Variants in FAM220A observed in about 807,000 individuals in gnomAD.
The protein encoded by FAM220A is family with sequence similarity 220 member A, also known as protein FAM220A.
For missense variants in FAM220A, 392 were observed against 321.6 expected, an observed-to-expected ratio of 1.22 and a Z score of -1.68; for synonymous variants, 141 against 130.7, an observed-to-expected ratio of 1.08 and a Z score of -0.54.
At chr7:6,347,973 C>CGA (rs1781988061) in intron 1 of FAM220A, among the ~76,000 whole-genome samples, 1 of 150,564 alleles carries the variant, frequency 6.6e-6, no homozygotes, top group Non-Finnish European at 1.5e-5. Context: ...CGCAATGGAG[C>CGA]GATCTCGGCT....
intron 1 of FAM220A, among the ~76,000 whole-genome samples, chr7:6,339,095 C>G (rs770723693): frequency 6.6e-6 from 1 of 152,210 alleles, no homozygotes; most frequent in Non-Finnish European, 1.5e-5. Context: ...CACAGCACTT[C>G]TAAATTAGGC....
chr7:6,331,249 T>C lies in FAM220A; in HGVS notation c.-81-14A>G. 2.3e-6 allele frequency: 3 copies of C among 1,296,134 alleles called. No homozygotes were observed. The allele number at this position is 1,296,134 out of a possible 1,614,324, so 80.3% of individuals were successfully genotyped here. On this transcript the variant is annotated splice_polypyrimidine_tract_variant and intron_variant, in intron 1 of 1. Coordinates refer to ENST00000313324, the MANE Select transcript of FAM220A (RefSeq NM_001037163.2). ...CTCAATATGAACCTAGGAAAGGGAATCAAATTAAAGTTCTAAAATGAAGAC... is the reference window on the plus strand; with the variant it reads ...CTCAATATGAACCTAGGAAAGGGAACCAAATTAAAGTTCTAAAATGAAGAC...
Position 6,330,793 on chromosome 7 carries a change from C to G in FAM220A, c.362G>C (p.Gly121Ala). 6.2e-7 allele frequency: 1 copy of G among 1,614,176 alleles called. No individual in the cohort carries two copies. Among genetic ancestry groups the G allele is most frequent in the Non-Finnish European group, 8.5e-7 (1 of 1,180,026 alleles). Residue 121 changes from glycine (G) to alanine (A), a missense_variant, in exon 2 of 2, where the codon GGT becomes GCT. Physicochemically the swap from Gly to Ala is moderately conservative, Grantham distance 60. Transcript: ENST00000313324. Reference sequence around the variant, plus strand: ...GTCTCGCCGCCCCAGAGCTTCAACACCACTGCAGGACACCCGAGCAAAACA... The same window carrying G: ...GTCTCGCCGCCCCAGAGCTTCAACAGCACTGCAGGACACCCGAGCAAAACA... ...TECFARVSCSGVEALGRRDWL... is the reference protein window; with the variant it reads ...TECFARVSCSAVEALGRRDWL...
chr7:6,348,950 A>C lies in FAM220A; in HGVS notation c.-459T>G, dbSNP rs538594340. 5.3e-6 allele frequency: 2 copies of C among 379,442 alleles called. No homozygotes were observed. The highest frequency in any genetic ancestry group is 9.3e-6 in the Non-Finnish European group (2 of 214,450). The allele number at this position is 379,442 out of a possible 1,614,324, so 23.5% of individuals were successfully genotyped here. On this transcript the variant is annotated 5_prime_UTR_variant, in exon 1 of 2. Coordinates refer to ENST00000313324, the MANE Select transcript of FAM220A (RefSeq NM_001037163.2). ...GCCTCCGCGAGCAGCCGCCTGTACC[A>C]GCCTGGCCGCGCAGCCTGACGTCAC...
intron 1 of FAM220A, among the ~76,000 whole-genome samples, chr7:6,341,644 C>T (rs574981677): frequency 4.0e-5 from 6 of 148,828 alleles, no homozygotes; most frequent in African/African-American, 1.0e-4. Context: ...GAGCTGAGAT[C>T]GCGCCACCGC....
intron 1 of FAM220A, among the ~76,000 whole-genome samples, chr7:6,335,329 T>C (rs1781723525): frequency 6.6e-6 from 1 of 151,770 alleles, no homozygotes; most frequent in Non-Finnish European, 1.5e-5. Flanking sequence ...TTCAAGTGAT[T>C]CTCCTGCCTC....
In FAM220A at chr7:6,330,626, TG is replaced by T; in HGVS notation, c.528del (p.Lys177ArgfsTer28). 1 of 1,614,092 alleles carries T rather than the reference TG, an allele frequency of 6.2e-7. No individual in the cohort carries two copies. The highest frequency in any genetic ancestry group is 8.5e-7 in the Non-Finnish European group (1 of 1,180,030). On this transcript the variant is annotated frameshift_variant, in exon 2 of 2. Coordinates refer to ENST00000313324, the MANE Select transcript of FAM220A (RefSeq NM_001037163.2). LOFTEE classifies it low-confidence loss of function (END_TRUNC). Reference sequence around the variant, plus strand: ...GGTTCCAACTCAGAGCCCAGACCCTTGGGAAAAGCACTTGGTGGGTCATCCT... The same window carrying T: ...GGTTCCAACTCAGAGCCCAGACCCTTGGAAAAGCACTTGGTGGGTCATCCT... ...SFQDDPPSAF[P>X]KGLGSELEPA...
intron 1 of FAM220A, among the ~76,000 whole-genome samples, chr7:6,344,902 C>T (rs1267316057): frequency 2.0e-5 from 3 of 151,716 alleles, no homozygotes; most frequent in South Asian, 2.1e-4. Context: ...CCGCCATGCC[C>T]GGCTAATTTT....
At chr7:6,334,992 C>T (rs1480530699) in intron 1 of FAM220A, among the ~76,000 whole-genome samples, 1 of 151,672 alleles carries the variant, frequency 6.6e-6, no homozygotes, top group East Asian at 2.0e-4. Context: ...GTCTCAAACT[C>T]CCGACCTCAG....
chr7:6,330,487 T>C lies in FAM220A; in HGVS notation c.668A>G (p.Gln223Arg). The C allele has an allele frequency of 6.2e-7, 1 of 1,614,214 alleles. No homozygotes were observed. Among genetic ancestry groups the C allele is most frequent in the Non-Finnish European group, 8.5e-7 (1 of 1,180,042 alleles). ...AAGCATTTTCTTGAATTCTATTGTT[T>C]GCTTTGAAAACATGGGCTTTAAACG... ...LDRLKPMFSK[Q>R]TIEFKKMLKS... The change falls in exon 2 of 2, where the codon CAA becomes CGA. Residue 223 changes from glutamine (Q) to arginine (R), a missense_variant. Transcript: ENST00000313324.
intron 1 of FAM220A, among the ~76,000 whole-genome samples, chr7:6,343,142 C>T (rs753024383): frequency 4.6e-5 from 7 of 151,332 alleles, no homozygotes; most frequent in Admixed American, 6.6e-5. Context: ...CTTGGGAGGC[C>T]GAGGAGGGTG....
intron 1 of FAM220A, among the ~76,000 whole-genome samples, chr7:6,336,667 G>C (rs149148261): frequency 2.0e-5 from 3 of 148,030 alleles, no homozygotes; most frequent in African/African-American, 7.5e-5. Context: ...CTGAGAGAGC[G>C]AGCAAGACTT....
rs553596313 is a variant in FAM220A, at chr7:6,337,386, T to C, written c.-81-6151A>G. Among the ~76,000 whole-genome samples the C allele has an allele frequency of 6.8e-3, 1,031 of 150,918 alleles. 24 individuals carry two copies. Among genetic ancestry groups the C allele is most frequent in the African/African-American group, 0.023 (937 of 40,352 alleles). The stretch of plus-strand genomic sequence containing the variant: ...ATCTACCCGCCTCAGCCTCCCAAAG[T>C]GTTGGGATTACAGGCGTGAGCCACT... On this transcript the variant is annotated intron_variant, in intron 1 of 1. Coordinates refer to ENST00000313324, the MANE Select transcript of FAM220A (RefSeq NM_001037163.2).
At position 6,348,757 on chromosome 7, in the gene FAM220A, A is replaced by G. The variant is rs1161084614; in HGVS notation, c.-266T>C. The G allele has an allele frequency of 4.0e-5, 16 of 400,396 alleles. No individual in the cohort carries two copies. Among genetic ancestry groups the G allele is most frequent in the Non-Finnish European group, 6.6e-5 (15 of 226,874 alleles). 24.8% of individuals were successfully genotyped at this position (400,396 alleles called of 1,614,324 possible). On this transcript the variant is annotated 5_prime_UTR_variant, in exon 1 of 2. An upstream start codon of the reference 5' UTR is lost. Transcript: ENST00000313324. ...AGCCAGGCCCGACAGAGCCGCCGCC[A>G]TATAGAGACCGGCGCTCCCACAGCC... is the stretch of plus-strand genomic sequence containing the variant.
At chr7:6,337,328 G>A (rs1781766914) in intron 1 of FAM220A, among the ~76,000 whole-genome samples, 1 of 151,608 alleles carries the variant, frequency 6.6e-6, no homozygotes, top group Non-Finnish European at 1.5e-5. Flanking sequence ...TACCATGATG[G>A]CCAGGCTGGT....
rs2115122612 is a variant in FAM220A at position 6,329,863 on chromosome 7, A to T, written c.*512T>A. On this transcript the variant is annotated 3_prime_UTR_variant, in exon 2 of 2. Coordinates refer to ENST00000313324, the MANE Select transcript of FAM220A (RefSeq NM_001037163.2). ...TCTAAATTGCATTTCAAGTGGAAGG[A>T]AAGGGGTATGAGAAGTGAAATCGAA... 5.9e-6 allele frequency: 1 copy of T among 168,228 alleles called. No homozygotes were observed. Among genetic ancestry groups the T allele is most frequent in the East Asian group, 1.9e-4 (1 of 5,204 alleles). The allele number at this position is 168,228 out of a possible 1,614,324, so 10.4% of individuals were successfully genotyped here.
chr7:6,348,399 C>A (rs551933987), intron 1 of FAM220A, among the ~76,000 whole-genome samples, 174 bp downstream of exon 1: 13 of 152,172 alleles, frequency 8.5e-5, no homozygotes, highest in African/African-American at 3.1e-4. Flanking sequence ...GTTTGCAGAA[C>A]GGGGATAAGG....
intron 1 of FAM220A, among the ~76,000 whole-genome samples, chr7:6,341,640 A>C (rs2115144461): frequency 6.7e-6 from 1 of 150,108 alleles, no homozygotes; most frequent in South Asian, 2.1e-4. Flanking sequence ...CAGTGAGCTG[A>C]GATCGCGCCA....
chr7:6,342,662 C>T (rs1351150754), intron 1 of FAM220A, among the ~76,000 whole-genome samples: 3 of 152,100 alleles, frequency 2.0e-5, no homozygotes, highest in South Asian at 4.1e-4. Flanking sequence ...TGCAAATGTT[C>T]GTAGTAACAT....
Sources: gnomAD v4.1 joint callset for allele counts (sites outside exome capture counted in the v4.1 genomes callset) on GRCh38, gnomAD v4.1.1 for gene constraint, MANE v1.5 for transcripts, NCBI Gene and HGNC (gene_info 2026-07-23, HGNC 2026-07-21) for gene names.